The following GULP1 variants were observed in gnomAD, a reference collection of about 807,000 sequenced individuals.
GULP1 encodes the protein GULP PTB domain containing engulfment adaptor 1.
In GULP1, 19 loss-of-function variants were observed where a neutral mutation model predicts 40.9. That is an observed-to-expected ratio of 0.46 (90% CI 0.32 to 0.68). The LOEUF is 0.68. Among genes scored for constraint, GULP1 ranks in the 30% least tolerant of loss-of-function variants. The pLI is 0.03. For synonymous variants in GULP1, 119 were observed against 117.6 expected (o/e 1.01, Z -0.08); for missense variants, 312 against 362.2 (o/e 0.86, Z 1.12).
At chr2:188,523,419 C>T (rs1180165193) in intron 5 of GULP1, among the ~76,000 whole-genome samples, 2 of 152,190 alleles carry the variant, frequency 1.3e-5, no homozygotes, top group African/African-American at 4.8e-5. Context: ...GAAAATCTTA[C>T]ATAAGATGCT....
chr2:188,503,466 A>G (rs7419834), intron 4 of GULP1, among the ~76,000 whole-genome samples: 7,636 of 151,728 alleles, frequency 0.05, 387 homozygotes, highest in East Asian at 0.24. Flanking sequence ...TCTCACAAGA[A>G]CTCACTCACT....
chr2:188,404,642 A>G (rs1233763837), intron 2 of GULP1, among the ~76,000 whole-genome samples: 2 of 152,270 alleles, frequency 1.3e-5, no homozygotes, highest in African/African-American at 4.8e-5. Flanking sequence ...AGGGGACTTT[A>G]TCTCTGGGCC....
At chr2:188,316,216 G>T (rs948966842) in intron 1 of GULP1, among the ~76,000 whole-genome samples, 1 of 152,040 alleles carries the variant, frequency 6.6e-6, no homozygotes, top group African/African-American at 2.4e-5. Context: ...TTTTGTAAAG[G>T]CAGATAAAAC....
intron 1 of GULP1, among the ~76,000 whole-genome samples, chr2:188,343,203 G>T (rs1378976165): frequency 6.6e-6 from 1 of 152,052 alleles, no homozygotes; most frequent in African/African-American, 2.4e-5. Context: ...TGCATGGAAG[G>T]GTGACCACAG....
rs184640856 is a variant in GULP1, at chr2:188,463,981, T to A, written c.-44-13678T>A. 1.3e-3 allele frequency among the ~76,000 whole-genome samples: 191 copies of A among 152,324 alleles called. 1 individual carries two copies. Among genetic ancestry groups the A allele is most frequent in the African/African-American group, 4.5e-3 (186 of 41,566 alleles). Reference sequence around the variant, plus strand: ...TGAATTCTCTGTCTGAATTCAAAGGTCACATATCTCTGTTTCTCCAGGATT... The same window carrying A: ...TGAATTCTCTGTCTGAATTCAAAGGACACATATCTCTGTTTCTCCAGGATT... On this transcript the variant is annotated intron_variant, in intron 2 of 11. Transcript: ENST00000409830.
At chr2:188,361,684 G>A (rs769187213) in intron 1 of GULP1, among the ~76,000 whole-genome samples, 3 of 152,044 alleles carry the variant, frequency 2.0e-5, no homozygotes, top group Non-Finnish European at 4.4e-5. Flanking sequence ...AATTGTATGA[G>A]AAGAAAACTT....
chr2:188,324,630 T>C (rs888699122), intron 1 of GULP1, among the ~76,000 whole-genome samples: 6 of 151,922 alleles, frequency 3.9e-5, no homozygotes, highest in Admixed American at 3.3e-4. Context: ...ATTAAATAAA[T>C]TAAATATCAA....
At chr2:188,334,072 A>G (rs1002651938) in intron 1 of GULP1, among the ~76,000 whole-genome samples, 1 of 152,088 alleles carries the variant, frequency 6.6e-6, no homozygotes, top group African/African-American at 2.4e-5. Flanking sequence ...CCCTTTTTAA[A>G]TGTTCTTCTG....
chr2:188,321,861 A>G (rs541129829), intron 1 of GULP1, among the ~76,000 whole-genome samples: 3 of 152,120 alleles, frequency 2.0e-5, no homozygotes, highest in South Asian at 4.1e-4. Context: ...TACTAAAAAT[A>G]CAAATTAGCC....
At chr2:188,388,456 T>C (rs915387371) in intron 2 of GULP1, among the ~76,000 whole-genome samples, 6 of 151,180 alleles carry the variant, frequency 4.0e-5, no homozygotes, top group Non-Finnish European at 8.8e-5. Flanking sequence ...AGTGGGAGGA[T>C]CACTTGAGTC....
chr2:188,431,697 A>G (rs1324888094), intron 2 of GULP1, among the ~76,000 whole-genome samples: 1 of 152,118 alleles, frequency 6.6e-6, no homozygotes, highest in Non-Finnish European at 1.5e-5. Flanking sequence ...ATCACGACTT[A>G]CAAAAACCAT....
intron 1 of GULP1, among the ~76,000 whole-genome samples, chr2:188,363,461 A>C (rs918119729): frequency 6.6e-6 from 1 of 152,140 alleles, no homozygotes; most frequent in Non-Finnish European, 1.5e-5. Context: ...GAAAATTCCA[A>C]GGAAACATTG....
chr2:188,320,857 A>G (rs1458147323), intron 1 of GULP1, among the ~76,000 whole-genome samples: 2 of 151,802 alleles, frequency 1.3e-5, no homozygotes, highest in Admixed American at 1.3e-4. Flanking sequence ...ACTATCTAGG[A>G]TATGTTTTCA....
chr2:188,472,395 G>A (rs984890996), intron 2 of GULP1, among the ~76,000 whole-genome samples: 2 of 151,934 alleles, frequency 1.3e-5, no homozygotes, highest in Non-Finnish European at 2.9e-5. Context: ...CCCTCTTTAA[G>A]GCCAATTAAC....
At chr2:188,306,320 A>G (rs2037087233) in intron 1 of GULP1, among the ~76,000 whole-genome samples, 1 of 152,106 alleles carries the variant, frequency 6.6e-6, no homozygotes, top group Admixed American at 6.5e-5. Context: ...TCCTTTTTTT[A>G]AAAACAAACC....
chr2:188,294,395 T>TG, intron 1 of GULP1: 1 of 152,316 alleles, frequency 6.6e-6, no homozygotes, highest in South Asian at 2.1e-4. Context: ...AAGTAAAAGG[T>TG]GAGATGATCT....
chr2:188,312,068 A>G (rs939456808), intron 1 of GULP1, among the ~76,000 whole-genome samples: 2 of 152,054 alleles, frequency 1.3e-5, no homozygotes, highest in East Asian at 1.9e-4. Flanking sequence ...AGCTCCTTCA[A>G]TATAATTCAA....
intron 6 of GULP1, among the ~76,000 whole-genome samples, chr2:188,538,715 G>T (rs928948066): frequency 7.3e-5 from 11 of 150,580 alleles, no homozygotes; most frequent in African/African-American, 2.7e-4. Flanking sequence ...GTGTGTGTGT[G>T]TGTGTAGTGA....
intron 1 of GULP1, among the ~76,000 whole-genome samples, chr2:188,364,869 C>T (rs10931354): frequency 0.88 from 131,751 of 149,206 alleles, 58,010 homozygotes; most frequent in East Asian, 0.99. Context: ...CACACACACA[C>T]ATATACACAC....
Sources: gnomAD v4.1 joint callset for allele counts (sites outside exome capture counted in the v4.1 genomes callset) on GRCh38, gnomAD v4.1.1 for gene constraint, MANE v1.5 for transcripts, NCBI Gene and HGNC (gene_info 2026-07-23, HGNC 2026-07-21) for gene names.